Variants in GRID2 observed in about 807,000 individuals in gnomAD.
GRID2 encodes glutamate ionotropic receptor delta type subunit 2, also known as glutamate receptor ionotropic, delta-2.
In GRID2, 33 loss-of-function variants were observed where a neutral mutation model predicts 114.8. The ratio of observed to expected loss-of-function variants is 0.29; its 90% confidence interval spans 0.22 to 0.38. The LOEUF is 0.38. Among genes scored for constraint, GRID2 ranks in the 10% least tolerant of loss-of-function variants. The pLI is 1.00. For missense variants in GRID2, 1,184 were observed against 1,257.7 expected (o/e 0.94, Z 0.89); for synonymous variants, 505 against 449.9 (o/e 1.12, Z -1.55).
At chr4:93,081,356 T>C in intron 2 of GRID2, among the ~76,000 whole-genome samples, 1 of 152,244 alleles carries the variant, frequency 6.6e-6, no homozygotes, top group South Asian at 2.1e-4. Flanking sequence ...TTTTACTTAG[T>C]AAGAAAACAA....
intron 11 of GRID2, among the ~76,000 whole-genome samples, chr4:93,475,070 T>G (rs1725194765): frequency 6.6e-6 from 1 of 152,160 alleles, no homozygotes; most frequent in African/African-American, 2.4e-5. Context: ...TCCATGGTTT[T>G]GATTTACTGC....
intron 2 of GRID2, among the ~76,000 whole-genome samples, chr4:93,021,935 T>G (rs1350269773): frequency 6.6e-6 from 1 of 151,000 alleles, no homozygotes; most frequent in South Asian, 2.1e-4. Flanking sequence ...AGAGGAATTT[T>G]ATTTACATAA....
At chr4:93,152,176 C>T (rs1736798043) in intron 4 of GRID2, among the ~76,000 whole-genome samples, 1 of 152,116 alleles carries the variant, frequency 6.6e-6, no homozygotes, top group African/African-American at 2.4e-5. Context: ...ATATAATTAA[C>T]TCTTCACAAT....
At chr4:93,042,265 CTCTCTCTCTT>C (rs1169124588) in intron 2 of GRID2, among the ~76,000 whole-genome samples, 64 of 99,366 alleles carry the variant, frequency 6.4e-4, no homozygotes, top group Middle Eastern at 6.6e-3. Context: ...CTCTCTCTCT[CTCTCTCTCTT>C]TCTCTCTCTC....
chr4:93,799,020 C>T (rs1322255223), intron 1 of GRID2, among the ~76,000 whole-genome samples: 5 of 152,186 alleles, frequency 3.3e-5, no homozygotes, highest in Non-Finnish European at 7.3e-5. Flanking sequence ...AACAGGAGCT[C>T]CGATCTCAGC....
At chr4:93,154,693 T>A (rs1503212) in intron 4 of GRID2, among the ~76,000 whole-genome samples, 80,985 of 151,524 alleles carry the variant, frequency 0.53, 22,898 homozygotes, top group African/African-American at 0.69. Context: ...TGAGTATTTG[T>A]GAACTTTCTG....
intron 2 of GRID2, among the ~76,000 whole-genome samples, chr4:92,760,099 G>T (rs1397753686): frequency 6.6e-6 from 1 of 151,396 alleles, no homozygotes; most frequent in Non-Finnish European, 1.5e-5. Context: ...AATTAGCCAG[G>T]TGTGGTGGCA....
intron 14 of GRID2, among the ~76,000 whole-genome samples, chr4:93,673,389 C>A (rs1724594332): frequency 6.6e-6 from 1 of 151,910 alleles, no homozygotes; most frequent in Admixed American, 6.6e-5. Context: ...AATATCTTCC[C>A]ATCTCAGTGC....
intron 2 of GRID2, among the ~76,000 whole-genome samples, chr4:92,591,713 A>T (rs1418883935): frequency 6.6e-6 from 1 of 152,118 alleles, no homozygotes; most frequent in Non-Finnish European, 1.5e-5. Context: ...GTTGAAACTT[A>T]TTTATGTTAG....
At chr4:93,469,553 GA>G (rs899802702) in intron 11 of GRID2, among the ~76,000 whole-genome samples, 3 of 150,014 alleles carry the variant, frequency 2.0e-5, no homozygotes, top group Non-Finnish European at 3.0e-5. Context: ...TTCACTCACA[GA>G]AAAAAAAATG....
chr4:92,610,041 A>G (rs935553315), intron 2 of GRID2, among the ~76,000 whole-genome samples: 13 of 151,654 alleles, frequency 8.6e-5, no homozygotes, highest in African/African-American at 3.1e-4. Flanking sequence ...GCAGAGTTTT[A>G]GCTGGGTTTA....
At chr4:92,943,064 C>T (rs1009772350) in intron 2 of GRID2, among the ~76,000 whole-genome samples, 6 of 152,084 alleles carry the variant, frequency 3.9e-5, no homozygotes, top group Admixed American at 2.0e-4. Context: ...TTGCTCTTCT[C>T]GAGGAGTATC....
At position 93,560,222 on chromosome 4, in the gene GRID2, T is replaced by TAAAAAAAA. The variant is rs70942974; in HGVS notation, c.2193+44835_2193+44842dup. ...TACGCATGTATTCCAGAACTTAAAG[T>TAAAAAAAA]AAAAAAAAAAAAAAAAAAAAAAAAA... On this transcript the variant is annotated intron_variant, in intron 13 of 15. Coordinates refer to ENST00000282020, the MANE Select transcript of GRID2 (RefSeq NM_001510.4). Among the ~76,000 whole-genome samples the TAAAAAAAA allele has an allele frequency of 4.8e-3, 207 of 42,948 alleles. 6 individuals carry two copies. Among genetic ancestry groups the TAAAAAAAA allele is most frequent in the Non-Finnish European group, 5.5e-3 (138 of 25,188 alleles). 28.2% of individuals were successfully genotyped at this position (42,948 alleles called of 152,430 possible).
intron 2 of GRID2, chr4:92,702,333 C>A (rs1021064082): frequency 4.6e-5 from 7 of 152,212 alleles, no homozygotes; most frequent in African/African-American, 1.7e-4. Flanking sequence ...TTCAATGAAT[C>A]TTCTTAACAA....
chr4:93,562,781 G>GA (rs2149566271), intron 13 of GRID2, among the ~76,000 whole-genome samples: 1 of 152,088 alleles, frequency 6.6e-6, no homozygotes, highest in South Asian at 2.1e-4. Flanking sequence ...ACCATTTGTT[G>GA]AAAAGACTAT....
chr4:92,905,787 G>A lies in GRID2; in HGVS notation c.245-179208G>A, dbSNP rs151274476. Among the ~76,000 whole-genome samples, 96 of 145,356 alleles carry A rather than the reference G, an allele frequency of 6.6e-4. 1 individual carries two copies. Among genetic ancestry groups the A allele is most frequent in the African/African-American group, 2.3e-3 (87 of 37,880 alleles). ...CAAGTTTGTAATTAATGTAGCTGCTGGGAGGTATTGCTACAATCAGACAAT... is the reference window on the plus strand; with the variant it reads ...CAAGTTTGTAATTAATGTAGCTGCTAGGAGGTATTGCTACAATCAGACAAT... On this transcript the variant is annotated intron_variant, in intron 2 of 15. Transcript: ENST00000282020.
intron 2 of GRID2, among the ~76,000 whole-genome samples, chr4:92,776,153 A>G (rs112322211): frequency 6.6e-6 from 1 of 152,132 alleles, no homozygotes; most frequent in Non-Finnish European, 1.5e-5. Flanking sequence ...TCATCGCTAT[A>G]AACTTTTGAA....
chr4:93,318,660 A>G (rs945546903), intron 8 of GRID2: 3 of 152,160 alleles, frequency 2.0e-5, no homozygotes, highest in African/African-American at 7.2e-5. Flanking sequence ...GATATAATTC[A>G]AGAGCATACC....
At chr4:92,796,880 T>TTTTC (rs1578203500) in intron 2 of GRID2, among the ~76,000 whole-genome samples, 1 of 151,956 alleles carries the variant, frequency 6.6e-6, no homozygotes, top group Non-Finnish European at 1.5e-5. Context: ...AGGTAGGCTC[T>TTTTC]TTTCTAGCAA....
Sources: gnomAD v4.1 joint callset for allele counts (sites outside exome capture counted in the v4.1 genomes callset) on GRCh38, gnomAD v4.1.1 for gene constraint, MANE v1.5 for transcripts, NCBI Gene and HGNC (gene_info 2026-07-23, HGNC 2026-07-21) for gene names.